Variants in NMT1 observed in about 807,000 individuals in gnomAD.
NMT1 encodes the protein N-myristoyltransferase 1.
Under a neutral mutation model 63.4 loss-of-function variants are expected in NMT1, and 12 were observed. The ratio of observed to expected loss-of-function variants is 0.19; its 90% CI spans 0.12 to 0.31. The LOEUF is 0.31. Ranked by LOEUF, NMT1 falls within the 10% of genes least tolerant of loss-of-function variation. The pLI, the probability that NMT1 is intolerant of heterozygous loss-of-function variation, is 1.00. For missense variants in NMT1, 432 were observed against 634.6 expected (o/e 0.68, Z 3.43); for synonymous variants, 228 against 234.3 (o/e 0.97, Z 0.25).
chr17:45,102,863 T>C, intron 8 of NMT1, 88 bp from the exon 9 acceptor site: 1 of 1,284,088 alleles, frequency 7.8e-7, no homozygotes, highest in Non-Finnish European at 1.1e-6. Context: ...GACCAGGGAT[T>C]CTCTCTTGAG....
intron 3 of NMT1, 103 bp from the exon 4 acceptor site, chr17:45,093,582 C>T (rs887961461): frequency 3.6e-6 from 3 of 823,896 alleles, no homozygotes; most frequent in Non-Finnish European, 5.8e-6. Flanking sequence ...AGATAGAGGG[C>T]TCCTAGGGAC....
Position 45,104,078 on chromosome 17 carries a change from T to C in NMT1, c.1332+202T>C. ...ACAAGGAGCATCCGAAGTGAAGGCA[T>C]TGAACTCCTCCTGATTCATTTCAGT... On this transcript the variant is annotated intron_variant, in intron 10 of 11. Transcript: ENST00000258960. This position sits in a 1 kb window ranked among gnomAD's most constrained non-coding sequence, Gnocchi z 4.2. 1 of 1,502,144 alleles carries C rather than the reference T, an allele frequency of 6.7e-7. No individual in the cohort carries two copies. Among genetic ancestry groups the C allele is most frequent in the Non-Finnish European group, 8.9e-7 (1 of 1,127,952 alleles). 93.1% of individuals were successfully genotyped at this position (1,502,144 alleles called of 1,614,324 possible).
intron 1 of NMT1, among the ~76,000 whole-genome samples, chr17:45,066,808 G>A (rs969889724): frequency 1.3e-5 from 2 of 151,838 alleles, no homozygotes; most frequent in African/African-American, 4.8e-5. Flanking sequence ...TTTGACCTGG[G>A]CTCAAGCGAT....
chr17:45,103,671 G>GC lies in NMT1; in HGVS notation c.1165-37dup. On this transcript the variant is annotated intron_variant, in intron 9 of 11. Coordinates refer to ENST00000258960, the MANE Select transcript of NMT1 (RefSeq NM_021079.5). The surrounding 1 kb of genome is among the most constrained non-coding windows in gnomAD (Gnocchi z 4.8). The stretch of plus-strand genomic sequence containing the variant: ...TGTTCCCGGGCCGCAGTGCCACTGT[G>GC]CATGCTTGACATTGCCTCTTTATTG... The GC allele has an allele frequency of 6.3e-7, 1 of 1,587,618 alleles. No homozygotes were observed. The highest frequency in any genetic ancestry group is 8.6e-7 in the Non-Finnish European group (1 of 1,165,414).
chr17:45,070,184 C>T (rs2053930648), intron 1 of NMT1, among the ~76,000 whole-genome samples: 1 of 152,136 alleles, frequency 6.6e-6, no homozygotes, highest in African/African-American at 2.4e-5. Flanking sequence ...AGGGTGGCAG[C>T]AAAAGTGGTC....
chr17:45,077,539 T>G (rs2053985882), intron 1 of NMT1, among the ~76,000 whole-genome samples: 1 of 152,144 alleles, frequency 6.6e-6, no homozygotes, highest in Non-Finnish European at 1.5e-5. Context: ...TACAGGCATG[T>G]GCCACCACGC....
At chr17:45,079,734 C>G (rs1243755490) in intron 1 of NMT1, among the ~76,000 whole-genome samples, 5 of 152,178 alleles carry the variant, frequency 3.3e-5, no homozygotes, top group Non-Finnish European at 5.9e-5. Flanking sequence ...GAGTCTCGCT[C>G]TGTCGCCCAG....
intron 1 of NMT1, among the ~76,000 whole-genome samples, chr17:45,069,697 A>C (rs1030284417): frequency 6.6e-6 from 1 of 152,090 alleles, no homozygotes; most frequent in African/African-American, 2.4e-5. Flanking sequence ...TCCCCTGCTG[A>C]ATTGAGTTCT....
intron 1 of NMT1, among the ~76,000 whole-genome samples, chr17:45,065,575 G>C (rs2053896761): frequency 7.2e-6 from 1 of 138,232 alleles, no homozygotes. Context: ...AGTGAGCCGA[G>C]ATTGCGCCAT....
intron 1 of NMT1, among the ~76,000 whole-genome samples, chr17:45,062,445 G>A (rs2053870452): frequency 6.6e-6 from 1 of 152,202 alleles, no homozygotes; most frequent in Non-Finnish European, 1.5e-5. Context: ...TGAGTCTGAG[G>A]TAGTCTGATT....
rs1238339324 is a variant in NMT1, at chr17:45,106,347, G to T, written c.*708G>T. The T allele has an allele frequency of 6.5e-6, 1 of 152,684 alleles. No individual in the cohort carries two copies. Among genetic ancestry groups the T allele is most frequent in the Non-Finnish European group, 1.5e-5 (1 of 68,062 alleles). The allele number at this position is 152,684 out of a possible 1,614,324, so 9.5% of individuals were successfully genotyped here. ...GCATTCTGAGACAAAGCAATGGACGGTCCGCAGAAGCAGACCTCATTGATT... is the reference window on the plus strand; with the variant it reads ...GCATTCTGAGACAAAGCAATGGACGTTCCGCAGAAGCAGACCTCATTGATT... On this transcript the variant is annotated 3_prime_UTR_variant, in exon 12 of 12. Coordinates refer to ENST00000258960, the MANE Select transcript of NMT1 (RefSeq NM_021079.5).
Position 45,103,626 on chromosome 17 carries a change from G to A in NMT1, c.1165-83G>A, listed in dbSNP as rs964372749. On this transcript the variant is annotated intron_variant, in intron 9 of 11. Transcript: ENST00000258960. This position sits in a 1 kb window ranked among gnomAD's most constrained non-coding sequence, Gnocchi z 4.8. The stretch of plus-strand genomic sequence containing the variant: ...TCTAGAGGGGCAGAGCTGCCTGAAG[G>A]TGGAGTGAGAGAAACATTTTGTTCC... 2.2e-6 allele frequency: 3 copies of A among 1,377,022 alleles called. No homozygotes were observed. Among genetic ancestry groups the A allele is most frequent in the Admixed American group, 2.0e-5 (1 of 50,546 alleles). The allele number at this position is 1,377,022 out of a possible 1,614,324, so 85.3% of individuals were successfully genotyped here.
intron 3 of NMT1, among the ~76,000 whole-genome samples, chr17:45,089,887 CTT>C (rs1325806206): frequency 6.6e-6 from 1 of 152,022 alleles, no homozygotes; most frequent in Non-Finnish European, 1.5e-5. Flanking sequence ...GTCCTCCTGT[CTT>C]AGCCTCCCAA....
intron 8 of NMT1, among the ~76,000 whole-genome samples, chr17:45,101,204 A>C (rs1330326906): frequency 1.3e-5 from 2 of 151,426 alleles, no homozygotes; most frequent in Non-Finnish European, 2.9e-5. Flanking sequence ...ACAACAACAA[A>C]AAAAGGATTT....
At chr17:45,098,594 T>C in intron 7 of NMT1, 42 bp downstream of exon 7, 1 of 1,579,892 alleles carries the variant, frequency 6.3e-7, no homozygotes, top group Non-Finnish European at 8.7e-7. Flanking sequence ...TGCGGGTGTC[T>C]GCACTGTAGT....
chr17:45,086,894 C>T (rs2054058411), intron 3 of NMT1, among the ~76,000 whole-genome samples: 1 of 152,044 alleles, frequency 6.6e-6, no homozygotes, highest in Admixed American at 6.6e-5. Flanking sequence ...AGCACTGGCT[C>T]ACACCTATAA....
intron 1 of NMT1, among the ~76,000 whole-genome samples, chr17:45,063,204 CAAAAAAAAAAA>C (rs5820561): frequency 2.5e-5 from 2 of 79,994 alleles, no homozygotes; most frequent in African/African-American, 9.8e-5. Context: ...GACTCCGACT[CAAAAAAAAAAA>C]AAAAAAAAAA....
intron 2 of NMT1, 143 bp from the exon 3 acceptor site, chr17:45,086,365 T>G: frequency 1.4e-6 from 1 of 734,224 alleles, no homozygotes; most frequent in Non-Finnish European, 2.1e-6. Flanking sequence ...CCTCAAGTGA[T>G]CTGCCCGCCT....
In NMT1 at chr17:45,068,886, G is replaced by A. The variant is rs142846961; in HGVS notation, c.131+7426G>A. On this transcript the variant is annotated intron_variant, in intron 1 of 11. Transcript: ENST00000258960. ...GGTCTCGAACTCCTGGCCTCAAGCAGTCCACCTGCCTTGGCCTCCCAAAGT... is the reference window on the plus strand; with the variant it reads ...GGTCTCGAACTCCTGGCCTCAAGCAATCCACCTGCCTTGGCCTCCCAAAGT... 1.6e-3 allele frequency among the ~76,000 whole-genome samples: 251 copies of A among 152,170 alleles called. 1 individual carries two copies. The highest frequency in any genetic ancestry group is 5.7e-3 in the African/African-American group (236 of 41,524).
Sources: gnomAD v4.1 joint callset for allele counts (sites outside exome capture counted in the v4.1 genomes callset) on GRCh38, gnomAD v4.1.1 for gene constraint, Gnocchi (gnomAD v3.1) non-coding constraint, MANE v1.5 for transcripts, NCBI Gene and HGNC (gene_info 2026-07-23, HGNC 2026-07-21) for gene names.